Variants in SLC24A4 observed in about 807,000 individuals in gnomAD.
The protein encoded by SLC24A4 is solute carrier family 24 member 4.
Under a neutral mutation model 79.0 loss-of-function variants are expected in SLC24A4, and 53 were observed. The ratio of observed to expected loss-of-function variants is 0.67; its 90% confidence interval spans 0.54 to 0.84. The LOEUF is 0.84. Among genes scored for constraint, SLC24A4 ranks in the 40% least tolerant of loss-of-function variants. The pLI is 0.00. For synonymous variants in SLC24A4, 323 were observed against 323.8 expected (o/e 1.00, Z 0.03); for missense variants, 731 against 822.0 (o/e 0.89, Z 1.35).
chr14:92,383,163 G>T (rs890732656), intron 2 of SLC24A4, among the ~76,000 whole-genome samples: 1 of 152,172 alleles, frequency 6.6e-6, no homozygotes, highest in Admixed American at 6.5e-5. Flanking sequence ...TCACAGTCAC[G>T]TCTAAAGACC....
At chr14:92,335,936 A>G (rs1018560636) in intron 2 of SLC24A4, among the ~76,000 whole-genome samples, 2 of 152,174 alleles carry the variant, frequency 1.3e-5, no homozygotes, top group Non-Finnish European at 2.9e-5. Context: ...GGGAGCAGCA[A>G]ACACCTATGT....
At chr14:92,425,965 AGAGT>A (rs1294199548) in intron 2 of SLC24A4, among the ~76,000 whole-genome samples, 7 of 152,176 alleles carry the variant, frequency 4.6e-5, no homozygotes, top group African/African-American at 1.7e-4. Flanking sequence ...CCTGGGTGAC[AGAGT>A]GAGACCCTGT....
rs140281355 is a variant in SLC24A4 at position 92,393,183 on chromosome 14, G to A, written c.242-40729G>A. Among the ~76,000 whole-genome samples the A allele has an allele frequency of 5.2e-4, 79 of 152,356 alleles. No individual in the cohort carries two copies. In the East Asian group the frequency reaches 0.013, roughly 26 times the overall value. Reference sequence around the variant, plus strand: ...CTTAGACTTCCCCACCTTCAGAACCGTGAACAACAAATTTCTGTTTGTAAA... The same window carrying A: ...CTTAGACTTCCCCACCTTCAGAACCATGAACAACAAATTTCTGTTTGTAAA... On this transcript the variant is annotated intron_variant, in intron 2 of 16. Transcript: ENST00000532405.
At chr14:92,357,136 C>T (rs1887226800) in intron 2 of SLC24A4, among the ~76,000 whole-genome samples, 1 of 152,154 alleles carries the variant, frequency 6.6e-6, no homozygotes, top group South Asian at 2.1e-4. Context: ...GCTGTGTCAC[C>T]AACGAGGGGC....
intron 2 of SLC24A4, among the ~76,000 whole-genome samples, chr14:92,331,614 A>G (rs1885482887): frequency 6.6e-6 from 1 of 152,232 alleles, no homozygotes; most frequent in Non-Finnish European, 1.5e-5. Flanking sequence ...TTACTGTATT[A>G]TCTGCCTCCC....
At chr14:92,344,846 A>AGCC (rs1309025612) in intron 2 of SLC24A4, among the ~76,000 whole-genome samples, 1 of 152,146 alleles carries the variant, frequency 6.6e-6, no homozygotes, top group Non-Finnish European at 1.5e-5. Flanking sequence ...GGCGGGATGG[A>AGCC]GCCAGTGTGC....
intron 2 of SLC24A4, among the ~76,000 whole-genome samples, chr14:92,342,542 C>T (rs1886222485): frequency 6.6e-6 from 1 of 152,014 alleles, no homozygotes; most frequent in South Asian, 2.1e-4. Context: ...CGCCACCACG[C>T]CCGGCTAATT....
At chr14:92,360,994 A>G (rs1887477333) in intron 2 of SLC24A4, among the ~76,000 whole-genome samples, 1 of 152,244 alleles carries the variant, frequency 6.6e-6, no homozygotes, top group South Asian at 2.1e-4. Context: ...TGCACGTTTG[A>G]AATGAAAGGG....
chr14:92,398,452 G>A lies in SLC24A4; in HGVS notation c.242-35460G>A, dbSNP rs924536021. On this transcript the variant is annotated intron_variant, in intron 2 of 16. Coordinates refer to ENST00000532405, the MANE Select transcript of SLC24A4 (RefSeq NM_153646.4). The surrounding 1 kb of genome is among the most constrained non-coding windows in gnomAD (Gnocchi z 4.1). ...AGAGGAAGAATGGGTAAGACTATTG[G>A]AGGTGGGAAAGAGAGAAGGGAAAGA... Among the ~76,000 whole-genome samples, 2 of 152,180 alleles carry A rather than the reference G, an allele frequency of 1.3e-5. No individual in the cohort carries two copies. The highest frequency in any genetic ancestry group is 4.8e-5 in the African/African-American group (2 of 41,442).
rs1895146838 is a variant in SLC24A4 at position 92,482,979 on chromosome 14, C to G, written c.1422+133C>G. The G allele has an allele frequency of 3.5e-6, 3 of 863,470 alleles. No homozygotes were observed. In the East Asian group the frequency reaches 8.3e-5, roughly 24 times the overall value. 53.5% of individuals were successfully genotyped at this position (863,470 alleles called of 1,614,324 possible). On this transcript the variant is annotated intron_variant, in intron 13 of 16. Transcript: ENST00000532405. Reference sequence around the variant, plus strand: ...TGGCCTCACTGACCACAGCGTATTTCTCAGTAGAAAAGGGTTTGAATGAGG... The same window carrying G: ...TGGCCTCACTGACCACAGCGTATTTGTCAGTAGAAAAGGGTTTGAATGAGG...
intron 2 of SLC24A4, among the ~76,000 whole-genome samples, chr14:92,420,051 A>G (rs60852225): frequency 0.16 from 24,922 of 152,154 alleles, 2,303 homozygotes; most frequent in East Asian, 0.24. Context: ...GGGCCCACAA[A>G]CCAAGGAATG....
chr14:92,326,521 C>G (rs1472998844), intron 2 of SLC24A4, among the ~76,000 whole-genome samples: 2 of 152,166 alleles, frequency 1.3e-5, no homozygotes, highest in Non-Finnish European at 2.9e-5. Context: ...TTTTGATGTT[C>G]TTCTTCAGAT....
Position 92,491,693 on chromosome 14 carries a change from C to A in SLC24A4, c.1566C>A (p.Thr522=). The A allele has an allele frequency of 6.2e-7, 1 of 1,613,954 alleles. No homozygotes were observed. Among genetic ancestry groups the A allele is most frequent in the African/African-American group, 1.3e-5 (1 of 75,042 alleles). The change falls in exon 15 of 17, where the codon ACC becomes ACA. Residue 522 remains threonine, a synonymous_variant. Coordinates refer to ENST00000532405, the MANE Select transcript of SLC24A4 (RefSeq NM_153646.4). ...TTGGGGACATGGCAGTCTCCAACAC[C>A]ATAGGAAGCAACGTGTTTGACATCC... ...QGLGDMAVSN[T]IGSNVFDILV...
intron 1 of SLC24A4, among the ~76,000 whole-genome samples, chr14:92,325,256 T>G (rs1191894964): frequency 6.6e-6 from 1 of 152,204 alleles, no homozygotes; most frequent in Non-Finnish European, 1.5e-5. Flanking sequence ...GGAATTACCT[T>G]TAGGAGTTTA....
At chr14:92,367,467 T>C (rs1291953099) in intron 2 of SLC24A4, among the ~76,000 whole-genome samples, 1 of 152,180 alleles carries the variant, frequency 6.6e-6, no homozygotes, top group Non-Finnish European at 1.5e-5. Context: ...GGCAGAGCCA[T>C]GGAGTCAAGT....
Position 92,371,771 on chromosome 14 carries a change from C to G in SLC24A4, c.241+45793C>G, listed in dbSNP as rs536736783. Among the ~76,000 whole-genome samples the G allele has an allele frequency of 7.9e-5, 12 of 152,366 alleles. 1 individual carries two copies. In the South Asian group the frequency reaches 2.5e-3, roughly 32 times the overall value. Reference sequence around the variant, plus strand: ...TTAAATGTCACCCCAGACAATGAAACCACTTCAGTATGATGGCAGAATAAA... The same window carrying G: ...TTAAATGTCACCCCAGACAATGAAAGCACTTCAGTATGATGGCAGAATAAA... On this transcript the variant is annotated intron_variant, in intron 2 of 16. Transcript: ENST00000532405.
intron 12 of SLC24A4, among the ~76,000 whole-genome samples, chr14:92,466,491 A>G (rs1327197243): frequency 6.6e-6 from 1 of 152,194 alleles, no homozygotes; most frequent in African/African-American, 2.4e-5. Flanking sequence ...GTTTACCACA[A>G]AGCTGCAGTA....
intron 12 of SLC24A4, among the ~76,000 whole-genome samples, chr14:92,460,105 G>C (rs1893713787): frequency 6.6e-6 from 1 of 152,178 alleles, no homozygotes; most frequent in Non-Finnish European, 1.5e-5. Context: ...GGGTGTCAAG[G>C]AATGAGTCTA....
intron 12 of SLC24A4, among the ~76,000 whole-genome samples, chr14:92,475,950 C>T (rs1416186172): frequency 1.3e-5 from 2 of 152,128 alleles, no homozygotes; most frequent in African/African-American, 4.8e-5. Context: ...TCGGTTGAAG[C>T]ACTGTTTCTT....
Sources: gnomAD v4.1 joint callset for allele counts (sites outside exome capture counted in the v4.1 genomes callset) on GRCh38, gnomAD v4.1.1 for gene constraint, Gnocchi (gnomAD v3.1) non-coding constraint, MANE v1.5 for transcripts, NCBI Gene and HGNC (gene_info 2026-07-23, HGNC 2026-07-21) for gene names.